The following MINK1 variants were observed in gnomAD, a reference collection of about 807,000 sequenced individuals.
MINK1 encodes the protein misshapen like kinase 1.
A neutral mutation model predicts 178.4 loss-of-function variants in MINK1; 46 were observed. The observed-to-expected ratio is 0.26, with a 90% CI of 0.20 to 0.33. The LOEUF (loss-of-function observed/expected upper bound fraction) is 0.33, where lower values mean the gene tolerates loss of function less well. MINK1 is among the 10% of genes least tolerant of loss of function. The pLI, the probability that MINK1 is intolerant of heterozygous loss-of-function variation, is 1.00. For synonymous variants in MINK1, 797 were observed against 709.7 expected (o/e 1.12, Z -1.96); for missense variants, 1,366 against 1,814.9 (o/e 0.75, Z 4.49).
intron 1 of MINK1, among the ~76,000 whole-genome samples, chr17:4,862,269 C>G (rs958841035): frequency 6.6e-6 from 1 of 152,150 alleles, no homozygotes; most frequent in African/African-American, 2.4e-5. Flanking sequence ...TTGACCTTGG[C>G]AAGTTATTTA....
At position 4,894,051 on chromosome 17, in the gene MINK1, G is replaced by C; in HGVS notation, c.2628G>C (p.Gly876=). 1.9e-6 allele frequency: 3 copies of C among 1,589,832 alleles called. No individual in the cohort carries two copies. The highest frequency in any genetic ancestry group is 2.6e-6 in the Non-Finnish European group (3 of 1,166,700). Reference sequence around the variant, plus strand: ...TCCACGACGTCGAGGAGATCACCGGGACCCAGCCCCCATACGGGGGCGGCA... The same window carrying C: ...TCCACGACGTCGAGGAGATCACCGGCACCCAGCCCCCATACGGGGGCGGCA... The part of the protein sequence containing the change: ...MVVHDVEEIT[G]TQPPYGGGTM... Residue 876 remains glycine, a synonymous_variant, in exon 22 of 32, where the codon GGG becomes GGC. Transcript: ENST00000355280. The surrounding 1 kb of genome is among the most constrained non-coding windows in gnomAD (Gnocchi z 4.1).
chr17:4,841,627 A>G (rs1018246882), intron 1 of MINK1, among the ~76,000 whole-genome samples: 1 of 150,974 alleles, frequency 6.6e-6, no homozygotes, highest in African/African-American at 2.4e-5. Flanking sequence ...ATAATGTTTT[A>G]TGGTCTTGTT....
intron 1 of MINK1, among the ~76,000 whole-genome samples, chr17:4,849,031 C>T (rs954652682): frequency 6.6e-6 from 1 of 152,108 alleles, no homozygotes; most frequent in Non-Finnish European, 1.5e-5. Context: ...AAAGAGAAAA[C>T]CACCCAGTCT....
intron 4 of MINK1, among the ~76,000 whole-genome samples, chr17:4,882,495 C>A (rs1369336306): frequency 6.6e-6 from 1 of 152,232 alleles, no homozygotes; most frequent in Non-Finnish European, 1.5e-5. Context: ...CCTGTTGCAG[C>A]TGTCGAGGTA....
chr17:4,862,006 G>T (rs1037908981), intron 1 of MINK1, among the ~76,000 whole-genome samples: 1 of 152,210 alleles, frequency 6.6e-6, no homozygotes, highest in Non-Finnish European at 1.5e-5. Flanking sequence ...ACCCATCTCA[G>T]TGTGAGGCCG....
chr17:4,851,867 G>A (rs982607405), intron 1 of MINK1, among the ~76,000 whole-genome samples: 15 of 151,962 alleles, frequency 9.9e-5, no homozygotes, highest in African/African-American at 3.6e-4. Context: ...GGGTGTGGTG[G>A]CTTGTGCCTG....
intron 1 of MINK1, among the ~76,000 whole-genome samples, chr17:4,875,713 G>T (rs113360874): frequency 6.6e-6 from 1 of 151,772 alleles, no homozygotes; most frequent in Admixed American, 6.6e-5. Context: ...TGGAGGTTGC[G>T]GTGAGCCAAG....
At chr17:4,889,874 A>G (rs1002227051) in intron 13 of MINK1, 111 bp downstream of exon 13, 10 of 723,668 alleles carry the variant, frequency 1.4e-5, no homozygotes, top group African/African-American at 4.2e-5. Context: ...GATTCCTCCT[A>G]TCTTTTCTAG....
rs767703839 is a variant in MINK1, at chr17:4,895,677, G to A, written c.3230-21G>A. The A allele has an allele frequency of 2.5e-6, 4 of 1,611,490 alleles. No homozygotes were observed. Among genetic ancestry groups the A allele is most frequent in the Non-Finnish European group, 3.4e-6 (4 of 1,178,850 alleles). On this transcript the variant is annotated intron_variant, in intron 26 of 31. Transcript: ENST00000355280. The surrounding 1 kb of genome is among the most constrained non-coding windows in gnomAD (Gnocchi z 4.3). ...CTCAGATGAGAATGGGGGCGGGTGTGTATGTCTGTCCGTCCCTCAGGGAAA... is the reference window on the plus strand; with the variant it reads ...CTCAGATGAGAATGGGGGCGGGTGTATATGTCTGTCCGTCCCTCAGGGAAA...
chr17:4,851,022 T>C (rs1911867206), intron 1 of MINK1: 1 of 459,140 alleles, frequency 2.2e-6, no homozygotes, highest in Non-Finnish European at 4.4e-6. Context: ...AGGCCACAGA[T>C]CTGGTTTTCC....
Position 4,886,758 on chromosome 17 carries a change from C to G in MINK1, c.949+132C>G. 9.3e-7 allele frequency: 1 copy of G among 1,074,920 alleles called. No individual in the cohort carries two copies. 66.6% of individuals were successfully genotyped at this position (1,074,920 alleles called of 1,614,324 possible). A position where few individuals can be genotyped will look rare whatever the true frequency, so the allele number is the denominator to read the frequency against. On this transcript the variant is annotated intron_variant, in intron 10 of 31. Coordinates refer to ENST00000355280, the MANE Select transcript of MINK1 (RefSeq NM_153827.5). This position sits in a 1 kb window ranked among gnomAD's most constrained non-coding sequence, Gnocchi z 6.1. ...CCCAGCTCTCCCTGTCCAAGGAGAT[C>G]GTTCTCAAACTTGCAACCCCCAAGG...
In MINK1 at chr17:4,895,936, G is replaced by A. The variant is rs1202028082; in HGVS notation, c.3365-67G>A. The A allele has an allele frequency of 3.2e-6, 5 of 1,570,082 alleles. No individual in the cohort carries two copies. In the East Asian group the frequency reaches 9.4e-5, roughly 29 times the overall value. On this transcript the variant is annotated intron_variant, in intron 27 of 31. Coordinates refer to ENST00000355280, the MANE Select transcript of MINK1 (RefSeq NM_153827.5). The surrounding 1 kb of genome is among the most constrained non-coding windows in gnomAD (Gnocchi z 4.3). ...GCCTGGGTGGGGCAGTGTAGTGACA[G>A]ACCACGGGGAGGCGCCCGTGGCGCA...
At position 4,897,996 on chromosome 17, in the gene MINK1, C is replaced by G. The variant is rs1391100612; in HGVS notation, c.*709C>G. 1 of 151,822 alleles carries G rather than the reference C, an allele frequency of 6.6e-6. No homozygotes were observed. Among genetic ancestry groups the G allele is most frequent in the Non-Finnish European group, 1.5e-5 (1 of 68,048 alleles). The allele number at this position is 151,822 out of a possible 1,614,324, so 9.4% of individuals were successfully genotyped here. On this transcript the variant is annotated 3_prime_UTR_variant, in exon 32 of 32. Coordinates refer to ENST00000355280, the MANE Select transcript of MINK1 (RefSeq NM_153827.5). Reference sequence around the variant, plus strand: ...TAACCCTTCTCCCTCCCCCCCCACCCCTCCTCAATGTAGTGGCCTTGGATA... The same window carrying G: ...TAACCCTTCTCCCTCCCCCCCCACCGCTCCTCAATGTAGTGGCCTTGGATA...
chr17:4,893,419 G>T lies in MINK1; in HGVS notation c.2401-15G>T. Reference sequence around the variant, plus strand: ...CCCAGCTTCTCCCTGCCCCTCACGTGGCTCCTCCCTGCAGGACTTTGTGTT... The same window carrying T: ...CCCAGCTTCTCCCTGCCCCTCACGTTGCTCCTCCCTGCAGGACTTTGTGTT... On this transcript the variant is annotated splice_polypyrimidine_tract_variant and intron_variant, in intron 20 of 31. Coordinates refer to ENST00000355280, the MANE Select transcript of MINK1 (RefSeq NM_153827.5). 1 of 1,599,002 alleles carries T rather than the reference G, an allele frequency of 6.3e-7. No homozygotes were observed. The highest frequency in any genetic ancestry group is 8.6e-7 in the Non-Finnish European group (1 of 1,167,574).
At chr17:4,866,678 G>A (rs1915031414) in intron 1 of MINK1, among the ~76,000 whole-genome samples, 1 of 151,968 alleles carries the variant, frequency 6.6e-6, no homozygotes, top group Non-Finnish European at 1.5e-5. Flanking sequence ...GGGAGGCTGA[G>A]GTAGGATTGC....
chr17:4,891,233 G>T, intron 15 of MINK1, 109 bp downstream of exon 15: 1 of 1,025,094 alleles, frequency 9.8e-7, no homozygotes, highest in Non-Finnish European at 1.3e-6. Flanking sequence ...CACCTGCTCA[G>T]CCGTGAGCCA....
intron 2 of MINK1, among the ~76,000 whole-genome samples, chr17:4,879,427 C>G (rs555159310): frequency 6.6e-6 from 1 of 152,376 alleles, no homozygotes; most frequent in South Asian, 2.1e-4. Flanking sequence ...ACCTGCCTTT[C>G]TCTTACACTC....
intron 16 of MINK1, among the ~76,000 whole-genome samples, 172 bp from the exon 17 acceptor site, chr17:4,891,977 G>A (rs773930955): frequency 2.6e-5 from 4 of 152,110 alleles, no homozygotes; most frequent in Non-Finnish European, 4.4e-5. Context: ...AGTTAGAACC[G>A]CAGCTCCACC....
chr17:4,839,108 T>C (rs1227410485), intron 1 of MINK1, among the ~76,000 whole-genome samples: 2 of 152,190 alleles, frequency 1.3e-5, no homozygotes, highest in Admixed American at 6.5e-5. Context: ...AATGCCTGGC[T>C]AATTTTTTGT....
Sources: gnomAD v4.1 joint callset for allele counts (sites outside exome capture counted in the v4.1 genomes callset) on GRCh38, gnomAD v4.1.1 for gene constraint, Gnocchi (gnomAD v3.1) non-coding constraint, MANE v1.5 for transcripts, NCBI Gene and HGNC (gene_info 2026-07-23, HGNC 2026-07-21) for gene names.